GFM1: variants seen among roughly 807,000 people sequenced by gnomAD.
The protein encoded by GFM1 is elongation factor G, mitochondrial.
In GFM1, 62 loss-of-function variants were observed where a neutral mutation model predicts 96.2. The observed-to-expected ratio is 0.64, with a 90% CI of 0.53 to 0.80. GFM1 has a LOEUF of 0.80. Among genes scored for constraint, GFM1 ranks in the 30% least tolerant of loss-of-function variants. The pLI is 0.00. For synonymous variants in GFM1, 282 were observed against 312.9 expected, an observed-to-expected ratio of 0.90 and a Z score of 1.04; for missense variants, 852 against 916.6, an observed-to-expected ratio of 0.93 and a Z score of 0.91.
At position 158,649,111 on chromosome 3, in the gene GFM1, G is replaced by A. The variant is rs2303909; in HGVS notation, c.643G>A (p.Val215Ile). The A allele has an allele frequency of 0.53, 824,531 of 1,546,236 alleles. 224,008 individuals carry two copies. Among genetic ancestry groups the A allele is most frequent in the African/African-American group, 0.73 (53,424 of 73,402 alleles). The change falls in exon 5 of 18, where the codon GTA becomes ATA. Residue 215 changes from valine (V) to isoleucine (I), a missense_variant. By Grantham distance (29) the Val-to-Ile change is conservative. Transcript: ENST00000486715. ...MGLEGNFKGI[V>I]DLIEERAIYF... ...TTTGGAGGGTAATTTTAAAGGTATT[G>A]TAGATCTTATTGAGGAACGAGCCAT...
At chr3:158,666,789 T>C in intron 13 of GFM1, 1 of 1,562,988 alleles carries the variant, frequency 6.4e-7, no homozygotes, top group South Asian at 1.1e-5. Context: ...TCAGAAAACA[T>C]TTAGGAAAAC....
At chr3:158,675,598 C>T (rs1256358559) in intron 13 of GFM1, among the ~76,000 whole-genome samples, 1 of 151,898 alleles carries the variant, frequency 6.6e-6, no homozygotes, top group South Asian at 2.1e-4. Flanking sequence ...GTTACTGATT[C>T]AATCAGTTGT....
chr3:158,658,157 CTTTTTTT>C (rs397842738), intron 8 of GFM1, among the ~76,000 whole-genome samples: 19 of 97,360 alleles, frequency 2.0e-4, no homozygotes, highest in African/African-American at 4.9e-4. Context: ...TCACAGAACT[CTTTTTTT>C]TTTTTTTTTT....
At position 158,694,082 on chromosome 3, in the gene GFM1, T is replaced by C. The variant is rs1026814303; in HGVS notation, c.*2615T>C. 6.6e-6 allele frequency among the ~76,000 whole-genome samples: 1 copy of C among 151,994 alleles called. No individual in the cohort carries two copies. The highest frequency in any genetic ancestry group is 1.5e-5 in the Non-Finnish European group (1 of 67,978). On this transcript the variant is annotated 3_prime_UTR_variant, in exon 18 of 18. Transcript: ENST00000486715. Reference sequence around the variant, plus strand: ...ATCTGACTCAGCAATACCATTACTATATACCCAAAGGAACGTAAATCATTC... The same window carrying C: ...ATCTGACTCAGCAATACCATTACTACATACCCAAAGGAACGTAAATCATTC...
intron 1 of GFM1, 164 bp downstream of exon 1, chr3:158,644,879 C>A: frequency 1.5e-6 from 1 of 655,532 alleles, no homozygotes; most frequent in Non-Finnish European, 2.8e-6. Flanking sequence ...TGCACATTAG[C>A]TCGTTAGCTC....
chr3:158,653,330 T>C lies in GFM1; in HGVS notation c.861T>C (p.Thr287=), dbSNP rs760637542. 22 of 1,613,596 alleles carry C rather than the reference T, an allele frequency of 1.4e-5. No homozygotes were observed. Among genetic ancestry groups the C allele is most frequent in the Non-Finnish European group, 1.7e-5 (20 of 1,179,680 alleles). The change falls in exon 7 of 18, where the codon ACT becomes ACC. Residue 287 remains threonine (T), a synonymous_variant. Coordinates refer to ENST00000486715, the MANE Select transcript of GFM1 (RefSeq NM_024996.7). ...SDLKLAIRRA[T]LKRSFTPVFL... The stretch of plus-strand genomic sequence containing the variant: ...TGTAGCTAGCAATTCGAAGAGCTAC[T>C]CTGAAAAGATCATTTACTCCTGTAT...
chr3:158,675,305 A>AC (rs1560140874), intron 13 of GFM1, among the ~76,000 whole-genome samples: 1 of 146,322 alleles, frequency 6.8e-6, no homozygotes, highest in South Asian at 2.1e-4. Context: ...AAAAAAAAAA[A>AC]AAAAACAAGT....
chr3:158,685,724 A>G (rs1031378578), intron 15 of GFM1, among the ~76,000 whole-genome samples: 1 of 152,200 alleles, frequency 6.6e-6, no homozygotes, highest in Non-Finnish European at 1.5e-5. Flanking sequence ...TTTATGATGT[A>G]GAAATCTTGT....
chr3:158,659,186 T>TA (rs1240505106), intron 9 of GFM1, 127 bp downstream of exon 9: 2 of 1,104,854 alleles, frequency 1.8e-6, no homozygotes, highest in Non-Finnish European at 2.6e-6. Flanking sequence ...TCTTTCTACT[T>TA]AAATGTGTTG....
intron 9 of GFM1, among the ~76,000 whole-genome samples, chr3:158,660,012 A>G: frequency 6.6e-6 from 1 of 152,198 alleles, no homozygotes; most frequent in East Asian, 1.9e-4. Context: ...GTAAAACGAC[A>G]AAAACTAGGA....
At chr3:158,667,107 ACTT>A in intron 13 of GFM1, 1 of 1,536,266 alleles carries the variant, frequency 6.5e-7, no homozygotes, top group Non-Finnish European at 8.7e-7. Flanking sequence ...GTTGTTTAAA[ACTT>A]AATATCTTTG....
At chr3:158,649,464 T>G in intron 5 of GFM1, 1 of 265,042 alleles carries the variant, frequency 3.8e-6, no homozygotes, top group Non-Finnish European at 7.3e-6. Context: ...TTGTATCTTT[T>G]TGCACTTGTT....
At position 158,691,599 on chromosome 3, in the gene GFM1, C is replaced by A; in HGVS notation, c.*132C>A. 1.1e-6 allele frequency: 1 copy of A among 905,482 alleles called. No individual in the cohort carries two copies. Among genetic ancestry groups the A allele is most frequent in the Non-Finnish European group, 1.8e-6 (1 of 566,194 alleles). 56.1% of individuals were successfully genotyped at this position (905,482 alleles called of 1,614,324 possible). A position where few individuals can be genotyped will look rare whatever the true frequency, so the allele number is the denominator to read the frequency against. ...CCCAGGAAGCGGGCTCTTCTTTCTT[C>A]AAAAGAAGCCCTTCTTGTTCATATT... On this transcript the variant is annotated 3_prime_UTR_variant, in exon 18 of 18. Transcript: ENST00000486715.
intron 10 of GFM1, among the ~76,000 whole-genome samples, chr3:158,661,779 A>G (rs1362881169): frequency 2.0e-5 from 3 of 152,192 alleles, no homozygotes; most frequent in East Asian, 1.9e-4. Context: ...TACTGACCCA[A>G]CTCTAACAGA....
intron 13 of GFM1, among the ~76,000 whole-genome samples, chr3:158,673,734 C>A (rs1418861077): frequency 6.6e-6 from 1 of 151,900 alleles, no homozygotes; most frequent in Non-Finnish European, 1.5e-5. Context: ...AAACTCCTGA[C>A]CTCAGGTGAT....
chr3:158,669,456 G>T (rs1350603791), intron 13 of GFM1: 11 of 1,612,556 alleles, frequency 6.8e-6, no homozygotes, highest in African/African-American at 2.7e-5. Context: ...TGCTTCTAGC[G>T]GTTCCTTCAT....
chr3:158,653,466 G>A lies in GFM1; in HGVS notation c.997G>A (p.Asp333Asn). The A allele has an allele frequency of 6.2e-7, 1 of 1,610,078 alleles. No individual in the cohort carries two copies. The highest frequency in any genetic ancestry group is 8.5e-7 in the Non-Finnish European group (1 of 1,176,574). Residue 333 changes from aspartate to asparagine, a missense_variant and splice_region_variant, in exon 7 of 18, where the codon GAT (aspartate) becomes AAT (asparagine). Coordinates refer to ENST00000486715, the MANE Select transcript of GFM1 (RefSeq NM_024996.7). ...VQNYAILNKE[D>N]DSKEKTKILM... ...GAACTATGCTATTCTCAATAAAGAG[G>A]AGTAAGTCTTGAAAATTGAATCTTA... is the stretch of plus-strand genomic sequence containing the variant.
intron 5 of GFM1, chr3:158,649,930 C>G (rs1722156682): frequency 1.6e-6 from 2 of 1,220,134 alleles, no homozygotes; most frequent in Admixed American, 2.0e-5. Context: ...TGACACTGAT[C>G]TAGACAATGT....
At chr3:158,651,051 AC>A (rs1240279058) in intron 5 of GFM1, 1 of 149,858 alleles carries the variant, frequency 6.7e-6, no homozygotes, top group Admixed American at 6.6e-5. Flanking sequence ...AAAAAGAAAT[AC>A]CTTGAAAAAT....
Sources: allele counts gnomAD v4.1 joint callset (sites outside exome capture counted in the v4.1 genomes callset), GRCh38; gene constraint gnomAD v4.1.1; transcripts MANE v1.5; gene names NCBI Gene and HGNC (gene_info 2026-07-23, HGNC 2026-07-21).